The following WDR62 variants were observed in gnomAD, a reference collection of about 807,000 sequenced individuals.
WDR62 encodes WD repeat domain 62, also known as WD repeat-containing protein 62.
In WDR62, 112 loss-of-function variants were observed where a neutral mutation model predicts 160.6. That is an observed-to-expected ratio of 0.70 (90% CI 0.60 to 0.82). The LOEUF (loss-of-function observed/expected upper bound fraction) is 0.82. Among genes scored for constraint, WDR62 ranks in the 40% least tolerant of loss-of-function variants. The probability of loss-of-function intolerance (pLI) is 0.00; values close to 1 mark genes in which losing one functional copy is unlikely to be tolerated. For missense variants in WDR62, 1,819 were observed against 1,983.8 expected, an observed-to-expected ratio of 0.92 and a Z score of 1.58; for synonymous variants, 792 against 815.1, an observed-to-expected ratio of 0.97 and a Z score of 0.48.
intron 9 of WDR62, among the ~76,000 whole-genome samples, chr19:36,077,428 A>G (rs1197354060): frequency 6.6e-6 from 1 of 150,460 alleles, no homozygotes; most frequent in Non-Finnish European, 1.5e-5. Flanking sequence ...CTACAGGCAC[A>G]CGCCACCACA....
chr19:36,096,894 C>T (rs1005493609), intron 20 of WDR62, 133 bp from the exon 21 acceptor site: 1 of 806,408 alleles, frequency 1.2e-6, no homozygotes, highest in Non-Finnish European at 2.1e-6. Context: ...GTTTGCATTT[C>T]CCTAACCCCC....
At chr19:36,058,729 A>G (rs1447185106) in intron 1 of WDR62, 51 bp from the exon 2 acceptor site, 1 of 1,509,602 alleles carries the variant, frequency 6.6e-7, no homozygotes, top group Non-Finnish European at 9.2e-7. Flanking sequence ...CGGCTGCACC[A>G]TGTGGTGCTG....
In WDR62 at chr19:36,103,334, C is replaced by G. The variant is rs1973506296; in HGVS notation, c.3515-9C>G. 6.2e-7 allele frequency: 1 copy of G among 1,613,610 alleles called. No individual in the cohort carries two copies. The highest frequency in any genetic ancestry group is 1.3e-5 in the African/African-American group (1 of 74,924). ...GTGGTGGAGTCAGTGCCATCTGCTT[C>G]CGTTACAGCTCCCTGCCTTACGAGC... On this transcript the variant is annotated splice_polypyrimidine_tract_variant and intron_variant, in intron 29 of 31. Transcript: ENST00000401500.
At chr19:36,083,036 C>G in intron 10 of WDR62, 27 bp from the exon 11 acceptor site, 1 of 1,603,258 alleles carries the variant, frequency 6.2e-7, no homozygotes, top group Non-Finnish European at 8.5e-7. Context: ...GCTGCTCGTG[C>G]TGACCTCAGC....
At position 36,103,586 on chromosome 19, in the gene WDR62, C is replaced by T. The variant is rs778175384; in HGVS notation, c.3758C>T (p.Ser1253Leu). The T allele has an allele frequency of 1.1e-5, 17 of 1,613,600 alleles. No individual in the cohort carries two copies. In the East Asian group the frequency reaches 1.3e-4, roughly 13 times the overall value. Residue 1253 changes from serine (S) to leucine (L), a missense_variant, in exon 30 of 32, where the codon TCG becomes TTG. Transcript: ENST00000401500. ...ATLAQPLRRP[S>L]SVGELASLGQ... ...CTGGCCCAGCCCCTCCGTAGGCCAT[C>T]GTCCGTTGGGGAGCTGGCCTCCTTG...
chr19:36,076,569 AAAG>A (rs1247051524), intron 9 of WDR62, among the ~76,000 whole-genome samples: 60 of 151,960 alleles, frequency 3.9e-4, no homozygotes, highest in African/African-American at 1.3e-3. Context: ...AAAAAAAAAA[AAAG>A]AAAAAAGAGA....
intron 29 of WDR62, 61 bp from the exon 30 acceptor site, chr19:36,103,282 C>T (rs1333286317): frequency 9.3e-6 from 15 of 1,611,824 alleles, no homozygotes; most frequent in South Asian, 2.2e-5. Flanking sequence ...AGCTGTGGGG[C>T]GTGGGGGCCC....
chr19:36,055,538 GGTCCAGA>G (rs1970316778), intron 1 of WDR62, among the ~76,000 whole-genome samples: 1 of 152,088 alleles, frequency 6.6e-6, no homozygotes, highest in Admixed American at 6.6e-5. Flanking sequence ...TCGAGGGTTC[GGTCCAGA>G]GTGTTACCTG....
rs754584097 is a variant in WDR62, at chr19:36,089,121, C to T, written c.1836+16C>T. Reference sequence around the variant, plus strand: ...TGCCCAGCAGGTAGGGTGGCATGGCCTCCTTGGGGGCTGGGGTGGGGGGTT... The same window carrying T: ...TGCCCAGCAGGTAGGGTGGCATGGCTTCCTTGGGGGCTGGGGTGGGGGGTT... On this transcript the variant is annotated intron_variant, in intron 14 of 31. Transcript: ENST00000401500. 1.2e-6 allele frequency: 2 copies of T among 1,613,932 alleles called. No individual in the cohort carries two copies. Among genetic ancestry groups the T allele is most frequent in the Non-Finnish European group, 1.7e-6 (2 of 1,179,990 alleles).
chr19:36,102,770 C>A lies in WDR62; in HGVS notation c.3254C>A (p.Ala1085Asp). Residue 1085 changes from alanine (A) to aspartate (D), a missense_variant, in exon 27 of 32, where the codon GCC (alanine) becomes GAC (aspartate). Coordinates refer to ENST00000401500, the MANE Select transcript of WDR62 (RefSeq NM_001083961.2). ...CCCGCAGCTCTGGGAGACGTGGAGG[C>A]CTCTGAAGCTGAAGACCACTTCTTC... ...LFPAALGDVE[A>D]SEAEDHFFNP... 1.2e-6 allele frequency: 2 copies of A among 1,614,212 alleles called. No individual in the cohort carries two copies. The highest frequency in any genetic ancestry group is 1.7e-6 in the Non-Finnish European group (2 of 1,180,030).
At chr19:36,101,157 G>A (rs2145857631) in intron 23 of WDR62, 57 bp from the exon 24 acceptor site, 1 of 1,507,838 alleles carries the variant, frequency 6.6e-7, no homozygotes, top group Non-Finnish European at 9.1e-7. Flanking sequence ...GGTGGGGCTA[G>A]CTGTTGAGTC....
chr19:36,102,023 G>A lies in WDR62; in HGVS notation c.3092G>A (p.Gly1031Asp), dbSNP rs776996104. 25 of 1,614,014 alleles carry A rather than the reference G, an allele frequency of 1.5e-5. 1 individual carries two copies. The highest frequency in any genetic ancestry group is 1.6e-5 in the Non-Finnish European group (19 of 1,180,052). The change falls in exon 26 of 32, where the codon GGT (glycine) becomes GAT (aspartate). Residue 1031 changes from glycine (G) to aspartate (D), a missense_variant. Transcript: ENST00000401500. ...CCTCCTTCCCTGTCAGGATGCGCAGGTCCCACAGAAGATGAGCTGTCCCTG... is the reference window on the plus strand; with the variant it reads ...CCTCCTTCCCTGTCAGGATGCGCAGATCCCACAGAAGATGAGCTGTCCCTG... ...TSLPHFPGCAGPTEDELSLPE... is the reference protein window; with the variant it reads ...TSLPHFPGCADPTEDELSLPE...
Position 36,054,958 on chromosome 19 carries a change from C to A in WDR62, c.-14C>A. 6.3e-7 allele frequency: 1 copy of A among 1,581,972 alleles called. No individual in the cohort carries two copies. ...GGTTAGGGGATGTAACGGTCGCCCG[C>A]CTCCGGCGTGACGATGGCGGCCGTA... On this transcript the variant is annotated 5_prime_UTR_variant, in exon 1 of 32. Transcript: ENST00000401500.
chr19:36,055,347 T>C (rs1214230174), intron 1 of WDR62, among the ~76,000 whole-genome samples, 199 bp downstream of exon 1: 1 of 150,714 alleles, frequency 6.6e-6, no homozygotes, highest in Non-Finnish European at 1.5e-5. Context: ...GGCTCCACCC[T>C]CAGCGTTGGA....
At chr19:36,063,191 C>T (rs967154839) in intron 3 of WDR62, among the ~76,000 whole-genome samples, 6 of 152,244 alleles carry the variant, frequency 3.9e-5, no homozygotes, top group African/African-American at 1.2e-4. Context: ...GATCCGCCCG[C>T]CTTGGCCTCC....
chr19:36,109,109 C>T (rs1447523156), downstream of WDR62, among the ~76,000 whole-genome samples: 1 of 152,116 alleles, frequency 6.6e-6, no homozygotes, highest in Non-Finnish European at 1.5e-5. Flanking sequence ...CCTTGCTTCC[C>T]CAAATGAATT....
At position 36,073,524 on chromosome 19, in the gene WDR62, A is replaced by G; in HGVS notation, c.1226A>G (p.Asn409Ser). 5.6e-6 allele frequency: 9 copies of G among 1,612,878 alleles called. No homozygotes were observed. Among genetic ancestry groups the G allele is most frequent in the Non-Finnish European group, 7.6e-6 (9 of 1,179,414 alleles). Residue 409 changes from asparagine to serine, a missense_variant, in exon 9 of 32, where the codon AAC becomes AGC. Physicochemically the swap from Asn to Ser is conservative, Grantham distance 46 (BLOSUM62 1). This residue lies in a region of WDR62 where 934 missense variants were observed against 1,157.2 expected (regional missense o/e 0.81). Transcript: ENST00000401500. The part of the protein sequence containing the change: ...SELFHSSYVW[N>S]VEVYPEFEDQ... Reference sequence around the variant, plus strand: ...CTCTTCCACAGCTCCTACGTTTGGAACGTGGAGGTGAGCCCCCCCCCCACC... The same window carrying G: ...CTCTTCCACAGCTCCTACGTTTGGAGCGTGGAGGTGAGCCCCCCCCCCACC...
At chr19:36,066,813 G>C (rs1970967300) in intron 5 of WDR62, among the ~76,000 whole-genome samples, 1 of 152,164 alleles carries the variant, frequency 6.6e-6, no homozygotes, top group Non-Finnish European at 1.5e-5. Flanking sequence ...CCAAGTCCTG[G>C]CTCTGCCCAT....
rs1971410067 is a variant in WDR62 at position 36,073,512 on chromosome 19, C to A, written c.1214C>A (p.Ser405Tyr). The A allele has an allele frequency of 1.2e-6, 2 of 1,613,978 alleles. No individual in the cohort carries two copies. The highest frequency in any genetic ancestry group is 1.7e-6 in the Non-Finnish European group (2 of 1,179,998). The change falls in exon 9 of 32, where the codon TCC (serine) becomes TAC (tyrosine). Residue 405 changes from serine to tyrosine, a missense_variant. Ser to Tyr is a moderately radical substitution (Grantham distance 144, BLOSUM62 -2). Coordinates refer to ENST00000401500, the MANE Select transcript of WDR62 (RefSeq NM_001083961.2). ...GKVWSELFHS[S>Y]YVWNVEVYPE... ...GTGTGGTCAGAGCTCTTCCACAGCT[C>A]CTACGTTTGGAACGTGGAGGTGAGC... is the stretch of plus-strand genomic sequence containing the variant.
Sources: gnomAD v4.1 joint callset for allele counts (sites outside exome capture counted in the v4.1 genomes callset) on GRCh38, gnomAD v4.1.1 for gene constraint, gnomAD v4.1.1 regional missense constraint, MANE v1.5 for transcripts, NCBI Gene and HGNC (gene_info 2026-07-23, HGNC 2026-07-21) for gene names.